Variants in RNFT2 observed in about 807,000 individuals in gnomAD.
RNFT2 encodes E3 ubiquitin-protein ligase RNFT2.
RNFT2 carries 36 observed loss-of-function variants against 53.0 expected under a neutral mutation model. The observed-to-expected ratio is 0.68, with a 90% CI of 0.52 to 0.90. RNFT2 has a LOEUF of 0.90. Among genes scored for constraint, RNFT2 ranks in the 40% least tolerant of loss-of-function variants. RNFT2 has a pLI of 0.00. For synonymous variants in RNFT2, 260 were observed against 253.2 expected (o/e 1.03, Z -0.26); for missense variants, 514 against 585.6 (o/e 0.88, Z 1.26).
At chr12:116,755,598 T>A in intron 5 of RNFT2, 2 of 911,732 alleles carry the variant, frequency 2.2e-6, no homozygotes, top group Non-Finnish European at 3.7e-6. Context: ...ATGTGCTCAA[T>A]ATGCACATTA....
At chr12:116,847,708 G>GT (rs979431108) in intron 10 of RNFT2, among the ~76,000 whole-genome samples, 1 of 151,970 alleles carries the variant, frequency 6.6e-6, no homozygotes, top group Non-Finnish European at 1.5e-5. Flanking sequence ...TGTATTTTTA[G>GT]TAGAGATGGG....
intron 4 of RNFT2, among the ~76,000 whole-genome samples, chr12:116,753,024 C>T (rs1872320419): frequency 6.6e-6 from 1 of 152,018 alleles, no homozygotes; most frequent in Admixed American, 6.6e-5. Flanking sequence ...GAAGAAAATT[C>T]AATTCCGTTC....
intron 7 of RNFT2, among the ~76,000 whole-genome samples, chr12:116,792,058 CT>C (rs978329406): frequency 1.3e-5 from 2 of 151,964 alleles, no homozygotes; most frequent in Non-Finnish European, 2.9e-5. Context: ...GGAAAATTTT[CT>C]TTTTTGTTTT....
chr12:116,748,250 C>T (rs1302880057), intron 3 of RNFT2, among the ~76,000 whole-genome samples: 1 of 152,056 alleles, frequency 6.6e-6, no homozygotes, highest in African/African-American at 2.4e-5. Context: ...GTACCCAAAA[C>T]TTGATGTTCG....
chr12:116,749,934 C>A lies in RNFT2; in HGVS notation c.177C>A (p.Leu59=). ...LKAEAASPPA[L]FSGLSGSLPT... ...CAGAGGCAGCCTCCCCACCAGCGCT[C>A]TTCTCGGGCTTATCAGGCAGCCTCC... Residue 59 remains leucine, a synonymous_variant, in exon 4 of 11, where the codon CTC becomes CTA. Transcript: ENST00000257575. 6.3e-7 allele frequency: 1 copy of A among 1,576,486 alleles called. No individual in the cohort carries two copies. The highest frequency in any genetic ancestry group is 2.3e-5 in the East Asian group (1 of 42,770).
chr12:116,809,109 A>C (rs1231088384), intron 7 of RNFT2, among the ~76,000 whole-genome samples: 1 of 152,198 alleles, frequency 6.6e-6, no homozygotes, highest in Non-Finnish European at 1.5e-5. Flanking sequence ...GCAGGCACCT[A>C]GTCCTTGCTG....
At chr12:116,817,623 ACT>A (rs1875754765) in intron 7 of RNFT2, among the ~76,000 whole-genome samples, 1 of 152,244 alleles carries the variant, frequency 6.6e-6, no homozygotes. Flanking sequence ...CAAACTTGTC[ACT>A]ACTGTAGTAC....
intron 7 of RNFT2, among the ~76,000 whole-genome samples, chr12:116,813,610 G>A (rs139050116): frequency 2.0e-4 from 31 of 152,296 alleles, no homozygotes; most frequent in African/African-American, 7.5e-4. Flanking sequence ...CCCCCATTAG[G>A]ACTTAAAACT....
intron 7 of RNFT2, among the ~76,000 whole-genome samples, chr12:116,821,399 C>T (rs1029288771): frequency 2.1e-4 from 32 of 152,232 alleles, no homozygotes; most frequent in African/African-American, 7.7e-4. Context: ...AGCTCATTAG[C>T]CCAGCCCTTC....
intron 10 of RNFT2, among the ~76,000 whole-genome samples, chr12:116,840,083 A>C (rs1014110059): frequency 6.6e-6 from 1 of 152,214 alleles, no homozygotes; most frequent in African/African-American, 2.4e-5. Flanking sequence ...ATTTAAAGAA[A>C]TCCTTTGCCA....
chr12:116,782,326 T>C (rs1873752383), intron 7 of RNFT2: 1 of 151,748 alleles, frequency 6.6e-6, no homozygotes, highest in Admixed American at 6.6e-5. Context: ...TGAGACCAGC[T>C]TGGGCAAGAT....
At chr12:116,742,254 C>T (rs928762750) in intron 3 of RNFT2, among the ~76,000 whole-genome samples, 3 of 148,224 alleles carry the variant, frequency 2.0e-5, no homozygotes, top group Non-Finnish European at 4.5e-5. Flanking sequence ...TCTGGGGTAC[C>T]GAGGTGGTTT....
chr12:116,754,270 C>T (rs371928335), intron 5 of RNFT2, among the ~76,000 whole-genome samples: 1 of 152,210 alleles, frequency 6.6e-6, no homozygotes, highest in East Asian at 1.9e-4. Context: ...TTTCCAATCT[C>T]ATCCAGGTCA....
At chr12:116,781,425 C>A (rs1873692554) in intron 7 of RNFT2, among the ~76,000 whole-genome samples, 1 of 152,154 alleles carries the variant, frequency 6.6e-6, no homozygotes. Flanking sequence ...TGACAAATTG[C>A]TACAAACTTA....
In RNFT2 at chr12:116,767,218, CTGTT is replaced by C. The variant is rs1025649608; in HGVS notation, c.728+310_728+313del. On this transcript the variant is annotated intron_variant, in intron 6 of 10. Coordinates refer to ENST00000257575, the MANE Select transcript of RNFT2 (RefSeq NM_001382266.1). ...CAAAAATATTTGTTTTTTGTTTTGT[CTGTT>C]TGTTTTGCTTTTTTTTTGAGACAGG... is the stretch of plus-strand genomic sequence containing the variant. Among the ~76,000 whole-genome samples the C allele has an allele frequency of 8.6e-5, 13 of 151,908 alleles. 1 individual carries two copies. Among genetic ancestry groups the C allele is most frequent in the African/African-American group, 2.9e-4 (12 of 41,356 alleles).
At chr12:116,836,680 T>C (rs945027894) in intron 10 of RNFT2, among the ~76,000 whole-genome samples, 3 of 151,972 alleles carry the variant, frequency 2.0e-5, no homozygotes, top group African/African-American at 7.3e-5. Context: ...ATCCCAGCAT[T>C]TTGGAAGGCC....
chr12:116,784,360 G>A (rs532563379), intron 7 of RNFT2, among the ~76,000 whole-genome samples: 52 of 152,234 alleles, frequency 3.4e-4, no homozygotes, highest in African/African-American at 1.1e-3. Flanking sequence ...GATTGGCCCC[G>A]GTCATTTTGT....
chr12:116,754,210 C>CA, intron 5 of RNFT2, 150 bp downstream of exon 5: 1 of 651,768 alleles, frequency 1.5e-6, no homozygotes, highest in Non-Finnish European at 2.7e-6. Context: ...TCAGTGAGAA[C>CA]GTACAATGTT....
At chr12:116,806,393 T>G (rs77773258) in intron 7 of RNFT2, among the ~76,000 whole-genome samples, 17,423 of 80,460 alleles carry the variant, frequency 0.22, 1,876 homozygotes, top group African/African-American at 0.31. Flanking sequence ...TATATATATA[T>G]ATATATAGAT....
Sources: allele counts gnomAD v4.1 joint callset (sites outside exome capture counted in the v4.1 genomes callset), GRCh38; gene constraint gnomAD v4.1.1; transcripts MANE v1.5; gene names NCBI Gene and HGNC (gene_info 2026-07-23, HGNC 2026-07-21).